LAMA2: variants seen among roughly 807,000 people sequenced by gnomAD.
The protein encoded by LAMA2 is laminin subunit alpha-2.
LAMA2 carries 269 observed loss-of-function variants against 364.8 expected under a neutral mutation model. That is an observed-to-expected ratio of 0.74 (90% CI 0.67 to 0.82). The LOEUF (loss-of-function observed/expected upper bound fraction) is 0.82, where lower values mean the gene tolerates loss of function less well. LAMA2 is among the 40% of genes least tolerant of loss of function. The probability of loss-of-function intolerance (pLI) is 0.00; values close to 1 mark genes in which losing one functional copy is unlikely to be tolerated. For missense variants in LAMA2, 3,807 were observed against 3,873.2 expected, an observed-to-expected ratio of 0.98 and a Z score of 0.45; for synonymous variants, 1,379 against 1,370.6, an observed-to-expected ratio of 1.01 and a Z score of -0.14.
chr6:129,454,896 C>G (rs936589027), intron 47 of LAMA2, among the ~76,000 whole-genome samples: 2 of 152,084 alleles, frequency 1.3e-5, no homozygotes, highest in African/African-American at 4.8e-5. Flanking sequence ...TCCCAATTCT[C>G]AACTCCCTGT....
chr6:129,353,587 A>G (rs1173653144), intron 32 of LAMA2, among the ~76,000 whole-genome samples: 1 of 151,922 alleles, frequency 6.6e-6, no homozygotes, highest in Non-Finnish European at 1.5e-5. Flanking sequence ...TGCTTTAGTC[A>G]GTTCATTGAA....
intron 4 of LAMA2, among the ~76,000 whole-genome samples, chr6:129,111,501 G>C (rs996599840): frequency 3.3e-5 from 5 of 151,802 alleles, no homozygotes; most frequent in African/African-American, 1.2e-4. Context: ...CTAAACCCGA[G>C]CCTACTACTA....
At chr6:129,481,205 G>A (rs1784328893) in intron 54 of LAMA2, 58 bp from the exon 55 acceptor site, 1 of 1,360,798 alleles carries the variant, frequency 7.3e-7, no homozygotes, top group Admixed American at 1.7e-5. Flanking sequence ...GTGAGATGGA[G>A]AACTTATTTA....
intron 1 of LAMA2, among the ~76,000 whole-genome samples, chr6:128,993,740 CAAG>C (rs1783752961): frequency 6.6e-6 from 1 of 152,030 alleles, no homozygotes. Context: ...GTTTCTGAAA[CAAG>C]AGATCTATGA....
chr6:129,367,983 A>G (rs189181687), intron 33 of LAMA2, among the ~76,000 whole-genome samples: 1 of 152,360 alleles, frequency 6.6e-6, no homozygotes, highest in African/African-American at 2.4e-5. Context: ...CCCAAGATCA[A>G]GGTACCAGCA....
intron 1 of LAMA2, among the ~76,000 whole-genome samples, chr6:128,978,572 T>A (rs988136922): frequency 6.6e-6 from 1 of 152,054 alleles, no homozygotes; most frequent in African/African-American, 2.4e-5. Context: ...TGCCTGAGCC[T>A]CCCAAAGTGC....
chr6:129,172,844 T>G (rs1780290564), intron 9 of LAMA2, among the ~76,000 whole-genome samples: 1 of 152,214 alleles, frequency 6.6e-6, no homozygotes, highest in African/African-American at 2.4e-5. Flanking sequence ...CGTAGGACCC[T>G]CCAAGCCAGG....
chr6:129,426,624 C>T (rs1781339803), intron 40 of LAMA2, among the ~76,000 whole-genome samples: 1 of 152,082 alleles, frequency 6.6e-6, no homozygotes, highest in African/African-American at 2.4e-5. Flanking sequence ...GAACTATGTT[C>T]AGTGTTCTTT....
At chr6:129,129,699 C>A (rs978724284) in intron 4 of LAMA2, among the ~76,000 whole-genome samples, 1 of 151,832 alleles carries the variant, frequency 6.6e-6, no homozygotes, top group Admixed American at 6.6e-5. Context: ...CCGAGGCGGG[C>A]GGATCACGAG....
chr6:128,944,948 C>T (rs1183045526), intron 1 of LAMA2, among the ~76,000 whole-genome samples: 7 of 152,238 alleles, frequency 4.6e-5, no homozygotes, highest in Admixed American at 3.9e-4. Context: ...CAGGCCCCTC[C>T]CCTAACATTG....
chr6:128,954,472 T>TA (rs777365621), intron 1 of LAMA2, among the ~76,000 whole-genome samples: 12 of 152,012 alleles, frequency 7.9e-5, no homozygotes, highest in Non-Finnish European at 1.3e-4. Flanking sequence ...TATAGCTCTT[T>TA]AAAAAAAATA....
intron 1 of LAMA2, among the ~76,000 whole-genome samples, chr6:129,007,082 C>G (rs1784490425): frequency 6.6e-6 from 1 of 152,102 alleles, no homozygotes; most frequent in African/African-American, 2.4e-5. Context: ...GTTTAAGTGC[C>G]TGTTCCCCAT....
rs144432790 is a variant in LAMA2, at chr6:129,108,874, T to C, written c.639+10459T>C. Among the ~76,000 whole-genome samples the C allele has an allele frequency of 5.3e-3, 806 of 152,258 alleles. 4 individuals carry two copies. The highest frequency in any genetic ancestry group is 0.019 in the African/African-American group (773 of 41,546). ...CTATAAACACATAAGGAAGGTGATATGGGTTTTACTCACAGAAGATTCCTC... is the reference window on the plus strand; with the variant it reads ...CTATAAACACATAAGGAAGGTGATACGGGTTTTACTCACAGAAGATTCCTC... On this transcript the variant is annotated intron_variant, in intron 4 of 64. Coordinates refer to ENST00000421865, the MANE Select transcript of LAMA2 (RefSeq NM_000426.4).
In LAMA2 at chr6:129,402,660, T is replaced by C. The variant is rs3749880; in HGVS notation, c.5726+173T>C. On this transcript the variant is annotated intron_variant, in intron 39 of 64. Coordinates refer to ENST00000421865, the MANE Select transcript of LAMA2 (RefSeq NM_000426.4). ...AATTAGGAGGGTCTGGGCAAAGCTT[T>C]GCTACAGCAGCATCAAAAGTCTGAT... Among the ~76,000 whole-genome samples, 76,983 of 152,056 alleles carry C rather than the reference T, an allele frequency of 0.51. 19,980 individuals carry two copies. The highest frequency in any genetic ancestry group is 0.62 in the African/African-American group (25,586 of 41,464).
At chr6:128,968,660 A>G (rs981801528) in intron 1 of LAMA2, among the ~76,000 whole-genome samples, 1 of 152,114 alleles carries the variant, frequency 6.6e-6, no homozygotes, top group African/African-American at 2.4e-5. Context: ...GGGAATGAAC[A>G]TCTCATGTAG....
intron 4 of LAMA2, among the ~76,000 whole-genome samples, chr6:129,125,254 A>G (rs1215619661): frequency 6.6e-6 from 1 of 152,200 alleles, no homozygotes; most frequent in South Asian, 2.1e-4. Context: ...TCAGCATTGC[A>G]TATGTTAACT....
rs553737171 is a variant in LAMA2, at chr6:129,285,147, A to G, written c.2538-2700A>G. Among the ~76,000 whole-genome samples the G allele has an allele frequency of 3.3e-5, 5 of 152,174 alleles. No homozygotes were observed. In the East Asian group the frequency reaches 7.7e-4, roughly 23 times the overall value. ...ACTCTAACACACTATTTTTATTAATAAAAGTTATATGATTAGCAGTATTAT... is the reference window on the plus strand; with the variant it reads ...ACTCTAACACACTATTTTTATTAATGAAAGTTATATGATTAGCAGTATTAT... On this transcript the variant is annotated intron_variant, in intron 18 of 64. Coordinates refer to ENST00000421865, the MANE Select transcript of LAMA2 (RefSeq NM_000426.4).
chr6:128,938,157 G>A (rs1425459998), intron 1 of LAMA2, among the ~76,000 whole-genome samples: 5 of 151,876 alleles, frequency 3.3e-5, no homozygotes, highest in South Asian at 2.1e-4. Context: ...AAGGTATTTA[G>A]CTTTAGGTAA....
intron 2 of LAMA2, among the ~76,000 whole-genome samples, chr6:129,055,872 T>G (rs1301031578): frequency 6.6e-6 from 1 of 152,236 alleles, no homozygotes; most frequent in East Asian, 1.9e-4. Flanking sequence ...TGTTATACGT[T>G]TCTATCTCCT....
Sources: gnomAD v4.1 joint callset for allele counts (sites outside exome capture counted in the v4.1 genomes callset) on GRCh38, gnomAD v4.1.1 for gene constraint, MANE v1.5 for transcripts, NCBI Gene and HGNC (gene_info 2026-07-23, HGNC 2026-07-21) for gene names.